MATN2: variants seen among roughly 807,000 people sequenced by gnomAD.
The protein encoded by MATN2 is matrilin 2, also known as matrilin-2.
A neutral mutation model predicts 103.2 loss-of-function variants in MATN2; 69 were observed. The observed-to-expected ratio is 0.67, with a 90% CI of 0.55 to 0.82. The LOEUF (loss-of-function observed/expected upper bound fraction) is 0.82, where lower values mean the gene tolerates loss of function less well. Among genes scored for constraint, MATN2 ranks in the 40% least tolerant of loss-of-function variants. MATN2 has a pLI of 0.00. For missense variants in MATN2, 1,023 were observed against 1,211.5 expected, an observed-to-expected ratio of 0.84 and a Z score of 2.31; for synonymous variants, 429 against 450.2, an observed-to-expected ratio of 0.95 and a Z score of 0.60.
chr8:97,938,279 G>A (rs1276413643), intron 3 of MATN2, among the ~76,000 whole-genome samples: 1 of 152,132 alleles, frequency 6.6e-6, no homozygotes, highest in Non-Finnish European at 1.5e-5. Context: ...AGTCTTTCAG[G>A]ATGCAAAGCA....
In MATN2 at chr8:98,021,014, A is replaced by G. The variant is rs556451777; in HGVS notation, c.1820-191A>G. ...CCATCGTACCATTCAGACTCATGGG[A>G]GCTAGAGCTTTCTGAGAGGAGCTTT... On this transcript the variant is annotated intron_variant, in intron 12 of 18. Transcript: ENST00000254898. 3.8e-5 allele frequency: 19 copies of G among 499,120 alleles called. 1 individual carries two copies. The highest frequency in any genetic ancestry group is 2.3e-4 in the African/African-American group (12 of 51,380). 30.9% of individuals were successfully genotyped at this position (499,120 alleles called of 1,614,324 possible). A position where few individuals can be genotyped will look rare whatever the true frequency, so the allele number is the denominator to read the frequency against.
chr8:98,024,102 G>GT (rs1268583024), intron 13 of MATN2, among the ~76,000 whole-genome samples: 1 of 152,162 alleles, frequency 6.6e-6, no homozygotes, highest in Non-Finnish European at 1.5e-5. Context: ...TAATACCTAA[G>GT]TGATGGGCTG....
chr8:97,948,752 A>G (rs1416076521), intron 4 of MATN2, among the ~76,000 whole-genome samples: 1 of 152,272 alleles, frequency 6.6e-6, no homozygotes, highest in Non-Finnish European at 1.5e-5. Flanking sequence ...AAGAGCAGAC[A>G]CTATTAAATA....
chr8:97,917,159 C>T (rs182518051), intron 2 of MATN2, among the ~76,000 whole-genome samples: 1 of 152,256 alleles, frequency 6.6e-6, no homozygotes, highest in Non-Finnish European at 1.5e-5. Context: ...CTTCATAAAA[C>T]AACAACAAAA....
intron 1 of MATN2, among the ~76,000 whole-genome samples, chr8:97,879,202 C>T (rs964517232): frequency 2.0e-5 from 3 of 152,140 alleles, no homozygotes; most frequent in African/African-American, 4.8e-5. Flanking sequence ...GCATGAGTGA[C>T]ATGTGAGCTG....
chr8:97,962,914 C>T (rs960442182), intron 5 of MATN2, among the ~76,000 whole-genome samples: 1 of 152,166 alleles, frequency 6.6e-6, no homozygotes, highest in African/African-American at 2.4e-5. Context: ...GCGGGCAGAT[C>T]ACTTGAGGTC....
chr8:98,027,750 G>C lies in MATN2; in HGVS notation c.2277G>C (p.Val759=), dbSNP rs1586172526. 1 of 1,611,752 alleles carries C rather than the reference G, an allele frequency of 6.2e-7. No individual in the cohort carries two copies. The highest frequency in any genetic ancestry group is 1.1e-5 in the South Asian group (1 of 90,724). The change falls in exon 14 of 19, where the codon GTG becomes GTC. Residue 759 remains valine (V), a synonymous_variant. Transcript: ENST00000254898. ...GEGARPLSTR[V]PRAAIVFTDG... ...GGGCCAGGCCCCTTTCCACAAGGGT[G>C]CCCAGAGCAGCCATTGTGTTCACCG...
chr8:97,983,064 C>T (rs1812079053), intron 6 of MATN2, among the ~76,000 whole-genome samples: 1 of 152,156 alleles, frequency 6.6e-6, no homozygotes, highest in Admixed American at 6.5e-5. Context: ...CCTGCCCTGT[C>T]AACCACCATT....
intron 1 of MATN2, among the ~76,000 whole-genome samples, chr8:97,881,458 C>A (rs903531624): frequency 6.6e-6 from 1 of 152,236 alleles, no homozygotes; most frequent in African/African-American, 2.4e-5. Flanking sequence ...AATCTTCTCT[C>A]TCTTCCCCCA....
chr8:98,005,108 G>C lies in MATN2; in HGVS notation c.1327+1325G>C, dbSNP rs1812924154. On this transcript the variant is annotated intron_variant, in intron 8 of 18. Coordinates refer to ENST00000254898, the MANE Select transcript of MATN2 (RefSeq NM_002380.5). This position sits in a 1 kb window ranked among gnomAD's most constrained non-coding sequence, Gnocchi z 4.6. Reference sequence around the variant, plus strand: ...AGCCCTGGGCTCCACGCTGCCAGCAGGGAAGTTTCCCAGATGAAATAAGAG... The same window carrying C: ...AGCCCTGGGCTCCACGCTGCCAGCACGGAAGTTTCCCAGATGAAATAAGAG... Among the ~76,000 whole-genome samples, 1 of 152,242 alleles carries C rather than the reference G, an allele frequency of 6.6e-6. No homozygotes were observed. Among genetic ancestry groups the C allele is most frequent in the Non-Finnish European group, 1.5e-5 (1 of 68,040 alleles).
intron 3 of MATN2, among the ~76,000 whole-genome samples, chr8:97,941,170 AAAAAAAAAAAAAAAAG>A (rs1462449153): frequency 6.9e-6 from 1 of 145,052 alleles, no homozygotes; most frequent in Non-Finnish European, 1.5e-5. Context: ...TCAAAAAAAA[AAAAAAAAAAAAAAAAG>A]AAAGAAAGAA....
intron 2 of MATN2, among the ~76,000 whole-genome samples, chr8:97,891,297 A>G (rs915718804): frequency 2.0e-5 from 3 of 152,174 alleles, no homozygotes; most frequent in African/African-American, 7.2e-5. Context: ...CTTTGGTCTC[A>G]GGATCCTTCC....
chr8:98,005,829 A>AC lies in MATN2; in HGVS notation c.1328-1276_1328-1275insC, dbSNP rs1812948325. 4.6e-5 allele frequency among the ~76,000 whole-genome samples: 7 copies of AC among 152,204 alleles called. No individual in the cohort carries two copies. The highest frequency in any genetic ancestry group is 1.0e-4 in the Non-Finnish European group (7 of 68,028). ...CAAGGGCAAACTGTGACACAAAGGGATTAAGTCACTGTCCTGGGGTCCTGT... is the reference window on the plus strand; with the variant it reads ...CAAGGGCAAACTGTGACACAAAGGGACTTAAGTCACTGTCCTGGGGTCCTGT... On this transcript the variant is annotated intron_variant, in intron 8 of 18. Transcript: ENST00000254898. This position sits in a 1 kb window ranked among gnomAD's most constrained non-coding sequence, Gnocchi z 4.6.
At chr8:97,882,934 C>T (rs1487700711) in intron 1 of MATN2, among the ~76,000 whole-genome samples, 1 of 151,986 alleles carries the variant, frequency 6.6e-6, no homozygotes, top group African/African-American at 2.4e-5. Context: ...CGTGTATCTT[C>T]TTTGGTGATG....
chr8:97,994,620 T>G lies in MATN2; in HGVS notation c.1204+18T>G. On this transcript the variant is annotated intron_variant, in intron 7 of 18. Coordinates refer to ENST00000254898, the MANE Select transcript of MATN2 (RefSeq NM_002380.5). ...CTGCAGAAGTAAGTTACAGTGGGAG[T>G]TGGAGAAGGGCTTGTTCTGCTAAAT... is the stretch of plus-strand genomic sequence containing the variant. The G allele has an allele frequency of 6.2e-7, 1 of 1,606,456 alleles. No individual in the cohort carries two copies. Among genetic ancestry groups the G allele is most frequent in the Non-Finnish European group, 8.5e-7 (1 of 1,177,752 alleles).
At chr8:98,025,437 G>T in intron 13 of MATN2, 1 of 187,682 alleles carries the variant, frequency 5.3e-6, no homozygotes, top group South Asian at 8.6e-5. Flanking sequence ...GTTTATCACA[G>T]ATTGTGGATT....
chr8:98,009,726 A>T (rs1813094303), intron 10 of MATN2, among the ~76,000 whole-genome samples: 1 of 151,806 alleles, frequency 6.6e-6, no homozygotes, highest in African/African-American at 2.4e-5. Context: ...GCACAGACTC[A>T]GGGTGTGGGG....
At chr8:97,892,379 GCACT>G (rs1044095881) in intron 2 of MATN2, among the ~76,000 whole-genome samples, 2 of 134,184 alleles carry the variant, frequency 1.5e-5, no homozygotes, top group Admixed American at 1.7e-4. Flanking sequence ...TGGTGCCACT[GCACT>G]CCAGCCTGGG....
rs1364532514 is a variant in MATN2 at position 97,888,140 on chromosome 8, G to A, written c.40G>A (p.Gly14Arg). 1.2e-6 allele frequency: 2 copies of A among 1,609,128 alleles called. No homozygotes were observed. Among genetic ancestry groups the A allele is most frequent in the Non-Finnish European group, 1.7e-6 (2 of 1,178,028 alleles). The change falls in exon 2 of 19, where the codon GGA becomes AGA. Residue 14 changes from glycine (G) to arginine (R), a missense_variant. Transcript: ENST00000254898. ...MLAGCFLLIL[G>R]QIVLLPAEAR... ...CGCAGGCTGCTTTCTGCTGATCCTC[G>A]GACAGATCGTCCTCCTCCCTGCCGA...
Sources: allele counts gnomAD v4.1 joint callset (sites outside exome capture counted in the v4.1 genomes callset), GRCh38; gene constraint gnomAD v4.1.1; non-coding constraint Gnocchi (gnomAD v3.1); transcripts MANE v1.5; gene names NCBI Gene and HGNC (gene_info 2026-07-23, HGNC 2026-07-21).